GRM8: variants seen among roughly 807,000 people sequenced by gnomAD.
The protein encoded by GRM8 is metabotropic glutamate receptor 8.
In GRM8, 47 loss-of-function variants were observed where a neutral mutation model predicts 87.2. The observed-to-expected ratio is 0.54, with a 90% CI of 0.43 to 0.69. The LOEUF (loss-of-function observed/expected upper bound fraction) is 0.69. GRM8 is among the 30% of genes least tolerant of loss of function. The probability of loss-of-function intolerance (pLI) is 0.00; values close to 1 mark genes in which losing one functional copy is unlikely to be tolerated. For synonymous variants in GRM8, 396 were observed against 404.5 expected, an observed-to-expected ratio of 0.98 and a Z score of 0.25; for missense variants, 1,019 against 1,139.2, an observed-to-expected ratio of 0.89 and a Z score of 1.52.
At chr7:126,924,358 T>C (rs1345890205) in intron 3 of GRM8, among the ~76,000 whole-genome samples, 1 of 152,186 alleles carries the variant, frequency 6.6e-6, no homozygotes, top group Non-Finnish European at 1.5e-5. Context: ...TTGGGAACAA[T>C]CATGTAACTC....
intron 8 of GRM8, among the ~76,000 whole-genome samples, chr7:126,554,881 TAAAG>T (rs1490320732): frequency 6.6e-6 from 1 of 152,206 alleles, no homozygotes; most frequent in African/African-American, 2.4e-5. Context: ...TTATCATTCT[TAAAG>T]AACTTCCTGT....
intron 7 of GRM8, among the ~76,000 whole-genome samples, chr7:126,714,984 T>C (rs1333048570): frequency 1.3e-5 from 2 of 152,168 alleles, no homozygotes; most frequent in African/African-American, 4.8e-5. Context: ...GTGAAACTTC[T>C]ATCTGAAATG....
chr7:127,041,358 C>T (rs1444313901), intron 3 of GRM8, among the ~76,000 whole-genome samples: 1 of 152,218 alleles, frequency 6.6e-6, no homozygotes, highest in East Asian at 1.9e-4. Context: ...AAATATATGA[C>T]ATATGGGCTC....
chr7:127,091,693 C>G, intron 3 of GRM8, among the ~76,000 whole-genome samples: 1 of 134,760 alleles, frequency 7.4e-6, no homozygotes. Flanking sequence ...CCCACTGATC[C>G]TCTGATGACC....
chr7:127,016,318 A>G (rs1273800869), intron 3 of GRM8, among the ~76,000 whole-genome samples: 1 of 152,056 alleles, frequency 6.6e-6, no homozygotes, highest in Non-Finnish European at 1.5e-5. Flanking sequence ...CTACATTCCA[A>G]TCCTAGATAC....
At position 126,911,823 on chromosome 7, in the gene GRM8, C is replaced by T. The variant is rs111829302; in HGVS notation, c.728-7140G>A. Among the ~76,000 whole-genome samples the T allele has an allele frequency of 9.1e-3, 1,392 of 152,248 alleles. 12 individuals carry two copies. The highest frequency in any genetic ancestry group is 0.031 in the African/African-American group (1,287 of 41,526). ...CATTATACCTCCACATCAATCAGTG[C>T]GATGATTCATTTTATGTATCAGTTT... On this transcript the variant is annotated intron_variant, in intron 3 of 10. Transcript: ENST00000339582.
intron 6 of GRM8, among the ~76,000 whole-genome samples, chr7:126,788,552 C>A (rs928984250): frequency 1.3e-5 from 2 of 151,662 alleles, no homozygotes; most frequent in African/African-American, 4.8e-5. Context: ...CAAATATCTC[C>A]TATGCCCTAG....
At chr7:126,526,055 T>TA (rs1327528271) in intron 9 of GRM8, among the ~76,000 whole-genome samples, 2 of 152,134 alleles carry the variant, frequency 1.3e-5, no homozygotes, top group Non-Finnish European at 2.9e-5. Context: ...TTTCTCAACA[T>TA]AAAAAATATA....
chr7:126,957,393 C>T (rs1198249689), intron 3 of GRM8, among the ~76,000 whole-genome samples: 2 of 152,172 alleles, frequency 1.3e-5, no homozygotes, highest in Admixed American at 1.3e-4. Flanking sequence ...GGAGCCCCAT[C>T]CCCTACCGAG....
intron 3 of GRM8, among the ~76,000 whole-genome samples, chr7:126,913,104 C>T (rs1803490307): frequency 6.6e-6 from 1 of 152,070 alleles, no homozygotes; most frequent in Non-Finnish European, 1.5e-5. Flanking sequence ...AAAAATAAAA[C>T]AAGAAACAAT....
chr7:127,208,574 C>T (rs1165503903), intron 2 of GRM8, among the ~76,000 whole-genome samples: 1 of 152,184 alleles, frequency 6.6e-6, no homozygotes, highest in East Asian at 1.9e-4. Context: ...AAAGTTTATA[C>T]CAAACCCTGG....
At chr7:126,619,243 A>G (rs1338755645) in intron 7 of GRM8, among the ~76,000 whole-genome samples, 1 of 152,184 alleles carries the variant, frequency 6.6e-6, no homozygotes, top group African/African-American at 2.4e-5. Flanking sequence ...ATGAAGCTGG[A>G]AATCATCGTT....
intron 3 of GRM8, among the ~76,000 whole-genome samples, chr7:126,962,896 T>G (rs1288526329): frequency 2.6e-5 from 4 of 152,208 alleles, no homozygotes; most frequent in Non-Finnish European, 5.9e-5. Context: ...ACGGTTATGT[T>G]CTCTAAAGTC....
At chr7:127,002,808 T>G (rs1339220558) in intron 3 of GRM8, among the ~76,000 whole-genome samples, 2 of 151,730 alleles carry the variant, frequency 1.3e-5, no homozygotes, top group Admixed American at 6.6e-5. Context: ...TGCACAGATA[T>G]AAATTTATTG....
chr7:126,450,768 C>T (rs1164124263), intron 9 of GRM8, among the ~76,000 whole-genome samples: 1 of 151,866 alleles, frequency 6.6e-6, no homozygotes, highest in Non-Finnish European at 1.5e-5. Flanking sequence ...CCAGAGGCAA[C>T]CATTCAGCTT....
At chr7:127,155,542 A>G (rs1792669862) in intron 2 of GRM8, among the ~76,000 whole-genome samples, 1 of 152,142 alleles carries the variant, frequency 6.6e-6, no homozygotes, top group South Asian at 2.1e-4. Context: ...AACCCTTGAG[A>G]AGGGAAAGGC....
rs35182354 is a variant in GRM8 at position 126,903,565 on chromosome 7, TACACACACACACACACAC to T, written c.1018+389_1018+406del. 4.4e-3 allele frequency among the ~76,000 whole-genome samples: 522 copies of T among 118,558 alleles called. 14 individuals carry two copies. Among genetic ancestry groups the T allele is most frequent in the African/African-American group, 0.016 (494 of 30,370 alleles). 77.8% of individuals were successfully genotyped at this position (118,558 alleles called of 152,430 possible). On this transcript the variant is annotated intron_variant, in intron 5 of 10. Transcript: ENST00000339582. Reference sequence around the variant, plus strand: ...TAATGGGTCCTCTTTCCTAAATACATACACACACACACACACACACACACACACACACACACTATATAC... The same window carrying T: ...TAATGGGTCCTCTTTCCTAAATACATACACACACACACACACACTATATAC...
chr7:127,185,193 G>A (rs1794668290), intron 2 of GRM8, among the ~76,000 whole-genome samples: 1 of 151,918 alleles, frequency 6.6e-6, no homozygotes, highest in Middle Eastern at 3.4e-3. Flanking sequence ...CACATAATAG[G>A]CAATTTCAAA....
intron 2 of GRM8, among the ~76,000 whole-genome samples, chr7:127,222,608 G>T (rs1246799250): frequency 6.6e-6 from 1 of 152,140 alleles, no homozygotes; most frequent in African/African-American, 2.4e-5. Context: ...AGTTTGCACT[G>T]GTTTCTTTCA....
Sources: gnomAD v4.1 joint callset for allele counts (sites outside exome capture counted in the v4.1 genomes callset) on GRCh38, gnomAD v4.1.1 for gene constraint, MANE v1.5 for transcripts, NCBI Gene and HGNC (gene_info 2026-07-23, HGNC 2026-07-21) for gene names.